The following PDGFD variants were observed in gnomAD, a reference collection of about 807,000 sequenced individuals.
PDGFD encodes the protein platelet-derived growth factor D.
In PDGFD, 30 loss-of-function variants were observed where a neutral mutation model predicts 44.7. The observed-to-expected ratio is 0.67, with a 90% CI of 0.50 to 0.91. The LOEUF (loss-of-function observed/expected upper bound fraction) is 0.91. Among genes scored for constraint, PDGFD ranks in the 40% least tolerant of loss-of-function variants. PDGFD has a pLI of 0.00. For missense variants in PDGFD, 445 were observed against 457.8 expected, an observed-to-expected ratio of 0.97 and a Z score of 0.25; for synonymous variants, 173 against 168.4, an observed-to-expected ratio of 1.03 and a Z score of -0.21.
At chr11:104,060,028 TGAAG>T (rs1860686637) in intron 1 of PDGFD, among the ~76,000 whole-genome samples, 1 of 152,246 alleles carries the variant, frequency 6.6e-6, no homozygotes, top group Non-Finnish European at 1.5e-5. Context: ...AAATGGTATT[TGAAG>T]GACAATACAC....
At chr11:103,912,352 A>T (rs2134298971) in intron 6 of PDGFD, among the ~76,000 whole-genome samples, 1 of 152,336 alleles carries the variant, frequency 6.6e-6, no homozygotes, top group East Asian at 1.9e-4. Context: ...ATAATTTTCA[A>T]CCCAGAATTT....
At chr11:103,988,698 C>T (rs771069702) in intron 3 of PDGFD, among the ~76,000 whole-genome samples, 2 of 152,116 alleles carry the variant, frequency 1.3e-5, no homozygotes, top group Non-Finnish European at 2.9e-5. Context: ...TCAGGGATAG[C>T]AGCACATATG....
Position 104,037,182 on chromosome 11 carries a change from C to A in PDGFD, c.125-36927G>T, listed in dbSNP as rs371991540. 3 of 1,613,504 alleles carry A rather than the reference C, an allele frequency of 1.9e-6. No individual in the cohort carries two copies. In the African/African-American group the frequency reaches 4.0e-5, roughly 22 times the overall value. ...CTGGACAGCAGCAGCAGCGCACACC[C>A]GCTGCCCAGCGGTCACAGGGCTTGG... On this transcript the variant is annotated intron_variant, in intron 1 of 6. Transcript: ENST00000393158.
chr11:104,150,359 T>C (rs1189040480), intron 1 of PDGFD, among the ~76,000 whole-genome samples: 3 of 152,160 alleles, frequency 2.0e-5, no homozygotes, highest in African/African-American at 7.2e-5. Flanking sequence ...GAAGCAGAGA[T>C]TTAAATGCAC....
At position 104,046,963 on chromosome 11, in the gene PDGFD, T is replaced by C. The variant is rs1173401320; in HGVS notation, c.125-46708A>G. 1.2e-4 allele frequency among the ~76,000 whole-genome samples: 17 copies of C among 146,568 alleles called. 2 individuals are homozygous for C. The highest frequency in any genetic ancestry group is 2.6e-4 in the Non-Finnish European group (17 of 65,778). On this transcript the variant is annotated intron_variant, in intron 1 of 6. Coordinates refer to ENST00000393158, the MANE Select transcript of PDGFD (RefSeq NM_025208.5). ...TGTCTACATGTTCTCATTGTTCATCTCCCACTTATGAGTGAGAACATGAGG... is the reference window on the plus strand; with the variant it reads ...TGTCTACATGTTCTCATTGTTCATCCCCCACTTATGAGTGAGAACATGAGG...
intron 5 of PDGFD, among the ~76,000 whole-genome samples, chr11:103,929,534 T>C (rs1038395249): frequency 4.6e-5 from 7 of 152,230 alleles, no homozygotes; most frequent in African/African-American, 1.4e-4. Flanking sequence ...TTGACTAGCA[T>C]TGGTTACTTT....
At chr11:104,123,723 A>C (rs1040003869) in intron 1 of PDGFD, among the ~76,000 whole-genome samples, 1 of 152,078 alleles carries the variant, frequency 6.6e-6, no homozygotes. Context: ...AGATTTTTCA[A>C]ATGTCCTTTG....
intron 1 of PDGFD, among the ~76,000 whole-genome samples, chr11:104,102,610 T>C (rs1442307613): frequency 6.6e-6 from 1 of 152,188 alleles, no homozygotes; most frequent in Admixed American, 6.5e-5. Context: ...ATCATGCTGC[T>C]ATAAAGACAC....
chr11:104,104,641 G>C (rs942083452), intron 1 of PDGFD, among the ~76,000 whole-genome samples: 4 of 152,026 alleles, frequency 2.6e-5, no homozygotes, highest in African/African-American at 9.7e-5. Context: ...GCATGTAGTA[G>C]GCTGCACCAT....
chr11:103,937,672 T>C (rs1162861191), intron 5 of PDGFD, among the ~76,000 whole-genome samples: 3 of 150,996 alleles, frequency 2.0e-5, no homozygotes, highest in East Asian at 3.9e-4. Context: ...CATTTAACAT[T>C]AGGTATATCT....
chr11:104,050,923 A>G (rs1378133478), intron 1 of PDGFD, among the ~76,000 whole-genome samples: 3 of 152,146 alleles, frequency 2.0e-5, no homozygotes, highest in African/African-American at 7.2e-5. Flanking sequence ...ATTTAACTCA[A>G]TACTATCAAT....
chr11:103,920,524 C>T (rs1052176539), intron 6 of PDGFD, among the ~76,000 whole-genome samples: 5 of 152,276 alleles, frequency 3.3e-5, no homozygotes, highest in Admixed American at 2.0e-4. Context: ...GCAAGTTTGC[C>T]GCTTTGGCAG....
chr11:103,984,859 T>A (rs1356112487), intron 3 of PDGFD, among the ~76,000 whole-genome samples: 1 of 142,684 alleles, frequency 7.0e-6, no homozygotes, highest in Non-Finnish European at 1.5e-5. Flanking sequence ...ATATAATACA[T>A]TAATTTATCT....
At chr11:103,966,181 A>G (rs1342070403) in intron 3 of PDGFD, among the ~76,000 whole-genome samples, 2 of 152,176 alleles carry the variant, frequency 1.3e-5, no homozygotes, top group Non-Finnish European at 2.9e-5. Flanking sequence ...GTTATGGAGG[A>G]CAGAATGTGG....
At chr11:104,081,446 T>C (rs1215304048) in intron 1 of PDGFD, among the ~76,000 whole-genome samples, 1 of 152,192 alleles carries the variant, frequency 6.6e-6, no homozygotes, top group East Asian at 1.9e-4. Flanking sequence ...AGTTTGTTTT[T>C]TAATGTCTTG....
chr11:103,959,928 A>G (rs1858911026), intron 3 of PDGFD, among the ~76,000 whole-genome samples: 1 of 152,198 alleles, frequency 6.6e-6, no homozygotes, highest in Non-Finnish European at 1.5e-5. Flanking sequence ...CTATTAGTTC[A>G]TGCGTATGGG....
intron 6 of PDGFD, among the ~76,000 whole-genome samples, chr11:103,913,373 A>T (rs1467315809): frequency 2.0e-5 from 3 of 152,208 alleles, no homozygotes; most frequent in Admixed American, 6.5e-5. Context: ...AACTACATGG[A>T]AACTGAACAA....
rs569339474 is a variant in PDGFD, at chr11:104,142,322, T to C, written c.124+21482A>G. On this transcript the variant is annotated intron_variant, in intron 1 of 6. Coordinates refer to ENST00000393158, the MANE Select transcript of PDGFD (RefSeq NM_025208.5). ...GTATTTATAAAAGTAAATATATGTT[T>C]ATATGAATATGTGTGCGTGGTGTAC... Among the ~76,000 whole-genome samples the C allele has an allele frequency of 5.3e-5, 8 of 152,278 alleles. No homozygotes were observed. In the South Asian group the frequency reaches 1.0e-3, roughly 20 times the overall value.
At chr11:103,988,052 A>T (rs1022556465) in intron 3 of PDGFD, among the ~76,000 whole-genome samples, 6 of 152,032 alleles carry the variant, frequency 3.9e-5, no homozygotes, top group African/African-American at 1.4e-4. Flanking sequence ...AGGTGGAGAC[A>T]TTTTTTTAAT....
Sources: gnomAD v4.1 joint callset for allele counts (sites outside exome capture counted in the v4.1 genomes callset) on GRCh38, gnomAD v4.1.1 for gene constraint, MANE v1.5 for transcripts, NCBI Gene and HGNC (gene_info 2026-07-23, HGNC 2026-07-21) for gene names.